SVOP: variants seen among roughly 807,000 people sequenced by gnomAD.
The protein encoded by SVOP is SV2 related protein, also known as synaptic vesicle 2-related protein.
SVOP carries 17 observed loss-of-function variants against 69.1 expected under a neutral mutation model. The ratio of observed to expected loss-of-function variants is 0.25; its 90% confidence interval spans 0.17 to 0.37. The LOEUF is 0.37. Among genes scored for constraint, SVOP ranks in the 10% least tolerant of loss-of-function variants. The pLI, the probability that SVOP is intolerant of heterozygous loss-of-function variation, is 1.00. For missense variants in SVOP, 435 were observed against 597.5 expected (o/e 0.73, Z 2.84); for synonymous variants, 238 against 238.6 (o/e 1.00, Z 0.02).
chr12:108,960,838 T>G, intron 6 of SVOP, 85 bp downstream of exon 6: 1 of 1,475,370 alleles, frequency 6.8e-7, no homozygotes, highest in African/African-American at 1.4e-5. Context: ...CTGCCCCATC[T>G]CAGCCCCTAA....
chr12:108,926,899 T>C (rs1399775064), intron 11 of SVOP, among the ~76,000 whole-genome samples: 1 of 152,234 alleles, frequency 6.6e-6, no homozygotes, highest in Non-Finnish European at 1.5e-5. Context: ...ACTACCTTTG[T>C]TCTGGACTAT....
rs548552685 is a variant in SVOP at position 108,937,921 on chromosome 12, G to A, written c.898-584C>T. On this transcript the variant is annotated intron_variant, in intron 9 of 15. Transcript: ENST00000610966. ...TGTAATCCCAGCACTTTGGGAGGCC[G>A]GGGCAGGTTGATCACTTGAAGCCAG... Among the ~76,000 whole-genome samples, 20 of 152,308 alleles carry A rather than the reference G, an allele frequency of 1.3e-4. No homozygotes were observed. In the South Asian group the frequency reaches 3.9e-3, roughly 30 times the overall value.
At chr12:109,008,379 A>C (rs2040321424) in intron 1 of SVOP, among the ~76,000 whole-genome samples, 1 of 152,036 alleles carries the variant, frequency 6.6e-6, no homozygotes, top group South Asian at 2.1e-4. Flanking sequence ...TGAACTGGGG[A>C]GATGGGGTGT....
intron 4 of SVOP, among the ~76,000 whole-genome samples, chr12:108,976,718 C>T (rs1042270468): frequency 1.3e-5 from 2 of 151,726 alleles, no homozygotes; most frequent in African/African-American, 4.8e-5. Flanking sequence ...CGGATTCAAG[C>T]AATTCTCCTG....
intron 1 of SVOP, among the ~76,000 whole-genome samples, chr12:108,984,523 C>A (rs1303953141): frequency 5.3e-5 from 8 of 152,138 alleles, no homozygotes; most frequent in African/African-American, 1.9e-4. Flanking sequence ...TATCTCCAGC[C>A]CTAAGGGTCT....
intron 1 of SVOP, among the ~76,000 whole-genome samples, chr12:109,007,819 C>T (rs535366130): frequency 6.6e-6 from 1 of 152,252 alleles, no homozygotes; most frequent in African/African-American, 2.4e-5. Flanking sequence ...GGGAGGATCA[C>T]CTGAGCCCAG....
At chr12:109,009,476 AG>A (rs1266572595) in intron 1 of SVOP, among the ~76,000 whole-genome samples, 1 of 151,860 alleles carries the variant, frequency 6.6e-6, no homozygotes, top group African/African-American at 2.4e-5. Context: ...AGAGATCTGA[AG>A]ATGCTGTAGA....
intron 1 of SVOP, among the ~76,000 whole-genome samples, chr12:108,984,281 G>A (rs893698036): frequency 2.0e-5 from 3 of 152,172 alleles, no homozygotes; most frequent in African/African-American, 7.2e-5. Flanking sequence ...GCCTCCCAAA[G>A]TTCTGGGATT....
At chr12:108,925,989 G>A (rs1003126027) in intron 11 of SVOP, among the ~76,000 whole-genome samples, 9 of 149,248 alleles carry the variant, frequency 6.0e-5, no homozygotes, top group East Asian at 2.0e-4. Context: ...CACAATCACC[G>A]CTCACTGCAG....
chr12:108,986,362 G>A (rs1347244642), intron 1 of SVOP, among the ~76,000 whole-genome samples: 1 of 152,018 alleles, frequency 6.6e-6, no homozygotes, highest in African/African-American at 2.4e-5. Flanking sequence ...CAATGAGAGG[G>A]TAACACCTCT....
At chr12:108,998,408 C>T (rs1253637734) in intron 1 of SVOP, among the ~76,000 whole-genome samples, 1 of 152,052 alleles carries the variant, frequency 6.6e-6, no homozygotes, top group African/African-American at 2.4e-5. Flanking sequence ...TCCAGGAGAA[C>T]TTCCCCAATC....
intron 13 of SVOP, among the ~76,000 whole-genome samples, chr12:108,918,411 G>A (rs1411113559): frequency 6.6e-6 from 1 of 152,246 alleles, no homozygotes. Context: ...GGAAAGCTCA[G>A]ACAGGAATTT....
chr12:108,992,922 G>C (rs1016111837), intron 1 of SVOP, among the ~76,000 whole-genome samples: 2 of 152,186 alleles, frequency 1.3e-5, no homozygotes, highest in South Asian at 2.1e-4. Flanking sequence ...CAGACATGGT[G>C]GGGGGCTGGG....
chr12:108,954,998 C>T (rs1282042268), intron 6 of SVOP, among the ~76,000 whole-genome samples: 1 of 152,206 alleles, frequency 6.6e-6, no homozygotes, highest in Non-Finnish European at 1.5e-5. Flanking sequence ...GCCTGGGTAA[C>T]AGAGCGAGAC....
intron 11 of SVOP, among the ~76,000 whole-genome samples, chr12:108,923,665 CAT>C (rs1277735174): frequency 1.3e-5 from 2 of 151,996 alleles, no homozygotes; most frequent in Non-Finnish European, 2.9e-5. Context: ...TTTATCATCT[CAT>C]AGTTTCTGTA....
chr12:108,943,092 C>T (rs1198784272), intron 7 of SVOP, among the ~76,000 whole-genome samples: 2 of 152,038 alleles, frequency 1.3e-5, no homozygotes, highest in Admixed American at 1.3e-4. Flanking sequence ...TGCAGTGATC[C>T]TAATTTTAGA....
intron 4 of SVOP, among the ~76,000 whole-genome samples, chr12:108,973,278 T>C (rs2040089103): frequency 6.6e-6 from 1 of 152,186 alleles, no homozygotes; most frequent in Non-Finnish European, 1.5e-5. Context: ...CAGATTCAGT[T>C]TGGTCTGACC....
chr12:108,912,066 CT>C lies in SVOP; in HGVS notation c.*468del. The C allele has an allele frequency of 1.5e-6, 1 of 673,174 alleles. No homozygotes were observed. Among genetic ancestry groups the C allele is most frequent in the Non-Finnish European group, 1.8e-6 (1 of 541,056 alleles). 41.7% of individuals were successfully genotyped at this position (673,174 alleles called of 1,614,324 possible). On this transcript the variant is annotated 3_prime_UTR_variant, in exon 16 of 16. Transcript: ENST00000610966. ...GCTGCTCAGACCACACCTAGATCGC[CT>C]GCAATTTCAAAGAAGAAAGCCTGGG...
intron 6 of SVOP, among the ~76,000 whole-genome samples, chr12:108,957,312 T>C (rs2039991112): frequency 1.3e-5 from 2 of 152,200 alleles, no homozygotes; most frequent in Middle Eastern, 3.4e-3. Context: ...TACAGGTGTG[T>C]GTCACCACAC....
Sources: gnomAD v4.1 joint callset for allele counts (sites outside exome capture counted in the v4.1 genomes callset) on GRCh38, gnomAD v4.1.1 for gene constraint, MANE v1.5 for transcripts, NCBI Gene and HGNC (gene_info 2026-07-23, HGNC 2026-07-21) for gene names.